SYT1: variants seen among roughly 807,000 people sequenced by gnomAD.
SYT1 encodes the protein synaptotagmin-1.
In SYT1, 8 loss-of-function variants were observed where a neutral mutation model predicts 44.8. The observed-to-expected ratio is 0.18, with a 90% CI of 0.10 to 0.32. The LOEUF (loss-of-function observed/expected upper bound fraction) is 0.32. SYT1 is among the 10% of genes least tolerant of loss of function. SYT1 has a pLI of 1.00. For synonymous variants in SYT1, 154 were observed against 188.8 expected, an observed-to-expected ratio of 0.82 and a Z score of 1.51; for missense variants, 286 against 509.3, an observed-to-expected ratio of 0.56 and a Z score of 4.22.
At chr12:78,959,079 G>A (rs1425015883) in intron 1 of SYT1, among the ~76,000 whole-genome samples, 3 of 152,072 alleles carry the variant, frequency 2.0e-5, no homozygotes, top group African/African-American at 7.2e-5. Context: ...TTTGCATTCA[G>A]CTGAGTTTAA....
intron 1 of SYT1, among the ~76,000 whole-genome samples, chr12:78,973,990 C>A (rs1485749573): frequency 1.2e-4 from 10 of 85,582 alleles, no homozygotes; most frequent in East Asian, 4.0e-4. Context: ...TATATATATG[C>A]AGTCATGTCT....
intron 1 of SYT1, among the ~76,000 whole-genome samples, chr12:78,947,644 G>A (rs1878736450): frequency 6.6e-6 from 1 of 151,906 alleles, no homozygotes; most frequent in South Asian, 2.1e-4. Flanking sequence ...ATACAGAAAA[G>A]CTAGAAATAG....
Position 78,897,927 on chromosome 12 carries a change from C to T in SYT1, c.-217+32818C>T, listed in dbSNP as rs1254785362. On this transcript the variant is annotated intron_variant, in intron 1 of 10. Transcript: ENST00000261205. ...TTAGGACATGAACCAAATATAAGGG[C>T]CACCCAGAGCTTGGGTTTAGGCAGC... Among the ~76,000 whole-genome samples the T allele has an allele frequency of 5.9e-5, 9 of 152,044 alleles. No individual in the cohort carries two copies. The East Asian group carries it at 1.8e-3, about 30-fold the overall frequency.
At chr12:78,954,199 G>A (rs1343761344) in intron 1 of SYT1, among the ~76,000 whole-genome samples, 4 of 152,046 alleles carry the variant, frequency 2.6e-5, no homozygotes, top group Non-Finnish European at 5.9e-5. Context: ...CACCCACAGG[G>A]TTGACACATG....
chr12:79,229,348 T>G (rs1699787899), intron 4 of SYT1, among the ~76,000 whole-genome samples: 1 of 152,218 alleles, frequency 6.6e-6, no homozygotes, highest in African/African-American at 2.4e-5. Flanking sequence ...TAGAAAGCAG[T>G]AGTTTTCAAA....
At chr12:78,948,924 C>T (rs549605878) in intron 1 of SYT1, among the ~76,000 whole-genome samples, 2 of 149,698 alleles carry the variant, frequency 1.3e-5, no homozygotes, top group South Asian at 2.1e-4. Context: ...GTTAAAATCT[C>T]TTTCTTTTTC....
chr12:79,191,330 G>T (rs956339565), intron 3 of SYT1, among the ~76,000 whole-genome samples: 1 of 151,932 alleles, frequency 6.6e-6, no homozygotes, highest in Non-Finnish European at 1.5e-5. Flanking sequence ...CAACAGTAGG[G>T]TTCTTTCCTC....
At chr12:79,285,259 C>G (rs1458635727) in intron 4 of SYT1, among the ~76,000 whole-genome samples, 1 of 152,286 alleles carries the variant, frequency 6.6e-6, no homozygotes, top group South Asian at 2.1e-4. Context: ...AATACAACAC[C>G]TAGTATTTTA....
In SYT1 at chr12:79,209,329, T is replaced by C. The variant is rs537000379; in HGVS notation, c.-17-8174T>C. On this transcript the variant is annotated intron_variant, in intron 3 of 10. Transcript: ENST00000261205. The stretch of plus-strand genomic sequence containing the variant: ...AAATGAAAGCTTTGACAGTGGTTCA[T>C]TTTTTTTCCAAAAATATTTCAGAGT... 7.2e-5 allele frequency among the ~76,000 whole-genome samples: 11 copies of C among 152,186 alleles called. No homozygotes were observed. In the South Asian group the frequency reaches 2.1e-3, roughly 29 times the overall value.
rs1185212835 is a variant in SYT1, at chr12:79,096,057, CA to C, written c.-18+48698del. On this transcript the variant is annotated intron_variant, in intron 3 of 10. Transcript: ENST00000261205. ...ATGAGGGGAAGAAATGCACTGTGAA[CA>C]AAGGCTGTTGTTTCATTGTACAGAT... Among the ~76,000 whole-genome samples, 11 of 151,920 alleles carry C rather than the reference CA, an allele frequency of 7.2e-5. No individual in the cohort carries two copies. The East Asian group carries it at 1.9e-3, about 27-fold the overall frequency.
chr12:78,944,182 T>A (rs1052620315), intron 1 of SYT1, among the ~76,000 whole-genome samples: 1 of 146,352 alleles, frequency 6.8e-6, no homozygotes, highest in African/African-American at 2.5e-5. Flanking sequence ...CTGAAACATA[T>A]ACTTAGAGGA....
intron 1 of SYT1, among the ~76,000 whole-genome samples, chr12:78,974,132 T>G (rs1016456682): frequency 7.3e-5 from 11 of 150,530 alleles, no homozygotes; most frequent in Non-Finnish European, 1.6e-4. Context: ...TATAGCCTAT[T>G]GCTCCTAAGC....
At position 79,283,124 on chromosome 12, in the gene SYT1, G is replaced by A. The variant is rs995424932; in HGVS notation, c.167-2663G>A. Among the ~76,000 whole-genome samples the A allele has an allele frequency of 9.9e-5, 15 of 152,174 alleles. No individual in the cohort carries two copies. The East Asian group carries it at 1.5e-3, about 16-fold the overall frequency. Reference sequence around the variant, plus strand: ...TTTCTTTACATGATATATGACTAATGAGTGAAGCTATCCTATAGCTATACA... The same window carrying A: ...TTTCTTTACATGATATATGACTAATAAGTGAAGCTATCCTATAGCTATACA... On this transcript the variant is annotated intron_variant, in intron 4 of 10. Coordinates refer to ENST00000261205, the MANE Select transcript of SYT1 (RefSeq NM_005639.3).
chr12:78,892,057 T>C (rs1466113327), intron 1 of SYT1, among the ~76,000 whole-genome samples: 1 of 151,864 alleles, frequency 6.6e-6, no homozygotes, highest in African/African-American at 2.4e-5. Context: ...TTAATTCTTA[T>C]GAATTGAGGG....
intron 3 of SYT1, among the ~76,000 whole-genome samples, chr12:79,049,219 C>T (rs1421082970): frequency 6.6e-6 from 1 of 151,760 alleles, no homozygotes; most frequent in Non-Finnish European, 1.5e-5. Context: ...TTGACTGGAA[C>T]TGTAATTTTC....
At chr12:79,040,952 C>G (rs1015527658) in intron 2 of SYT1, among the ~76,000 whole-genome samples, 7 of 151,768 alleles carry the variant, frequency 4.6e-5, no homozygotes, top group South Asian at 2.1e-4. Flanking sequence ...GGCGTTATTT[C>G]TGAGGGCTCT....
At chr12:79,286,213 G>A (rs993416713) in intron 5 of SYT1, among the ~76,000 whole-genome samples, 8 of 152,140 alleles carry the variant, frequency 5.3e-5, no homozygotes, top group Admixed American at 2.6e-4. Flanking sequence ...GGCCCATCTT[G>A]ATGGGTTTGG....
intron 4 of SYT1, among the ~76,000 whole-genome samples, chr12:79,245,302 C>CAAAAAA (rs61324842): frequency 9.6e-6 from 1 of 104,222 alleles, no homozygotes; most frequent in East Asian, 2.8e-4. Flanking sequence ...CCCGTCTCTA[C>CAAAAAA]AAAAAAAAAA....
intron 2 of SYT1, among the ~76,000 whole-genome samples, chr12:79,023,135 G>A (rs1011751048): frequency 6.6e-6 from 1 of 151,780 alleles, no homozygotes; most frequent in Admixed American, 6.6e-5. Flanking sequence ...AAACTTGCAC[G>A]TTCCAATGTG....
Sources: gnomAD v4.1 joint callset for allele counts (sites outside exome capture counted in the v4.1 genomes callset) on GRCh38, gnomAD v4.1.1 for gene constraint, MANE v1.5 for transcripts, NCBI Gene and HGNC (gene_info 2026-07-23, HGNC 2026-07-21) for gene names.